POM121C: variants seen among roughly 807,000 people sequenced by gnomAD.
POM121C encodes nuclear envelope pore membrane protein POM 121C.
In POM121C, 20 loss-of-function variants were observed where a neutral mutation model predicts 66.4. The observed-to-expected ratio is 0.30, with a 90% CI of 0.21 to 0.44. The LOEUF (loss-of-function observed/expected upper bound fraction) is 0.44, where lower values mean the gene tolerates loss of function less well. Ranked by LOEUF, POM121C falls within the 20% of genes least tolerant of loss-of-function variation. POM121C has a pLI of 1.00. For synonymous variants in POM121C, 286 were observed against 528.0 expected, an observed-to-expected ratio of 0.54 and a Z score of 6.28; for missense variants, 580 against 1,225.7, an observed-to-expected ratio of 0.47 and a Z score of 7.87.
intron 3 of POM121C, among the ~76,000 whole-genome samples, chr7:75,471,829 T>C (rs189703157): frequency 2.6e-5 from 4 of 152,306 alleles, no homozygotes; most frequent in African/African-American, 7.2e-5. Context: ...TGCTCAACAA[T>C]GCAAATACAG....
At chr7:75,454,339 G>C (rs1791131659) in intron 3 of POM121C, among the ~76,000 whole-genome samples, 1 of 152,392 alleles carries the variant, frequency 6.6e-6, no homozygotes, top group South Asian at 2.1e-4. Context: ...AAAGGAGACT[G>C]AGGAAGAGTC....
rs1554470637 is a variant in POM121C, at chr7:75,421,560, G to C, written c.2692C>G (p.Pro898Ala). 45 of 1,612,470 alleles carry C rather than the reference G, an allele frequency of 2.8e-5. 1 individual carries two copies. Among genetic ancestry groups the C allele is most frequent in the Non-Finnish European group, 3.6e-5 (43 of 1,179,778 alleles). The change falls in exon 13 of 15, where the codon CCG becomes GCG. Residue 898 changes from proline (P) to alanine (A), a missense_variant. Pro to Ala is a conservative substitution (Grantham distance 27). Coordinates refer to ENST00000615331, the MANE Select transcript of POM121C (RefSeq NM_001099415.3). ...GTGCTGCCCACGTTGAAGGCAAACG[G>C]TGTGCTCTGGCCGGTGGTGCCCAGG... is the stretch of plus-strand genomic sequence containing the variant. ...NALGTTGQST[P>A]FAFNVGSTTE... is the part of the protein sequence containing the mutation.
intron 3 of POM121C, among the ~76,000 whole-genome samples, chr7:75,464,017 TTTTC>T (rs1160123324): frequency 6.9e-6 from 1 of 145,144 alleles, no homozygotes; most frequent in African/African-American, 2.6e-5. Flanking sequence ...TAATTTTACT[TTTTC>T]TTTTTTTGGG....
intron 3 of POM121C, among the ~76,000 whole-genome samples, chr7:75,452,180 G>A (rs1262924710): frequency 6.6e-6 from 1 of 151,532 alleles, no homozygotes; most frequent in Non-Finnish European, 1.5e-5. Flanking sequence ...CAAAAAGGCT[G>A]GGTGCAGTGG....
chr7:75,424,103 G>C lies in POM121C; in HGVS notation c.994C>G (p.Leu332Val), dbSNP rs782543959. The change falls in exon 12 of 15, where the codon CTG (leucine) becomes GTG (valine). Residue 332 changes from leucine to valine, a missense_variant. Physicochemically the swap from Leu to Val is conservative, Grantham distance 32 (BLOSUM62 1). Coordinates refer to ENST00000615331, the MANE Select transcript of POM121C (RefSeq NM_001099415.3). ...TSLLAPSTNP[L>V]LESLKKMQTP... ...TGCATCTTCTTCAAGCTCTCTAACA[G>C]TGGGTTGGTGCTTGGGGCCAGGAGG... 3 of 1,611,832 alleles carry C rather than the reference G, an allele frequency of 1.9e-6. No individual in the cohort carries two copies. Among genetic ancestry groups the C allele is most frequent in the African/African-American group, 1.3e-5 (1 of 74,834 alleles).
At chr7:75,477,448 GT>G (rs201730251) in intron 1 of POM121C, among the ~76,000 whole-genome samples, 2,124 of 152,116 alleles carry the variant, frequency 0.014, 58 homozygotes, top group African/African-American at 0.048. Flanking sequence ...AACAAAATTA[GT>G]TGTAGTATTA....
At chr7:75,432,559 A>G (rs587645980) in intron 7 of POM121C, among the ~76,000 whole-genome samples, 1 of 152,314 alleles carries the variant, frequency 6.6e-6, no homozygotes, top group South Asian at 2.1e-4. Context: ...GGGAGTGGGC[A>G]GGAGGGAGGT....
chr7:75,475,572 C>T (rs1792042866), intron 1 of POM121C, among the ~76,000 whole-genome samples: 1 of 150,948 alleles, frequency 6.6e-6, no homozygotes, highest in South Asian at 2.1e-4. Context: ...TCCGGGACCT[C>T]TTCATGTTGG....
intron 5 of POM121C, among the ~76,000 whole-genome samples, chr7:75,440,395 G>T (rs1247252556): frequency 1.3e-5 from 2 of 151,248 alleles, no homozygotes; most frequent in East Asian, 4.0e-4. Context: ...GTGAGACCCT[G>T]TCTCTACTAA....
At chr7:75,484,508 T>C (rs1359657042) in intron 1 of POM121C, among the ~76,000 whole-genome samples, 2 of 151,490 alleles carry the variant, frequency 1.3e-5, no homozygotes, top group Non-Finnish European at 2.9e-5. Context: ...TACTTAAAAA[T>C]AACAAAAAAA....
intron 3 of POM121C, among the ~76,000 whole-genome samples, chr7:75,449,428 A>G (rs1790945612): frequency 6.6e-6 from 1 of 150,706 alleles, no homozygotes; most frequent in African/African-American, 2.4e-5. Context: ...GCAGTGGCAC[A>G]ATCTCGGCTC....
chr7:75,482,820 G>A lies in POM121C; in HGVS notation c.-458+3044C>T, dbSNP rs587769336. On this transcript the variant is annotated intron_variant, in intron 1 of 14. Transcript: ENST00000615331. Reference sequence around the variant, plus strand: ...GAGAAAATATCAGTTTGGAAGTAACGGATGTCAAAGGCAGACAAAGGGTAC... The same window carrying A: ...GAGAAAATATCAGTTTGGAAGTAACAGATGTCAAAGGCAGACAAAGGGTAC... 6.6e-4 allele frequency among the ~76,000 whole-genome samples: 100 copies of A among 152,240 alleles called. 1 individual carries two copies. In the East Asian group the frequency reaches 0.015, roughly 23 times the overall value.
chr7:75,435,616 A>T (rs1790372262), intron 7 of POM121C, among the ~76,000 whole-genome samples: 1 of 152,266 alleles, frequency 6.6e-6, no homozygotes, highest in Non-Finnish European at 1.5e-5. Flanking sequence ...GACAATTAAC[A>T]TTACTTTAAA....
intron 11 of POM121C, 122 bp downstream of exon 11, chr7:75,424,404 A>T: frequency 1.4e-6 from 2 of 1,421,632 alleles, no homozygotes; most frequent in Non-Finnish European, 2.0e-6. Flanking sequence ...AAAGACCACA[A>T]GAAAACATGG....
intron 3 of POM121C, among the ~76,000 whole-genome samples, chr7:75,458,176 G>A (rs1343352875): frequency 6.6e-6 from 1 of 151,998 alleles, no homozygotes; most frequent in Non-Finnish European, 1.5e-5. Flanking sequence ...AAACAACCAG[G>A]ATCAACACAG....
At position 75,417,712 on chromosome 7, in the gene POM121C, C is replaced by G. The variant is rs1789524375; in HGVS notation, c.*1084G>C. ...AAACCGCAGAGGGAAGAGGTCTTTG[C>G]TTCCCCTGGGCCCATTCTCCCTGGC... On this transcript the variant is annotated 3_prime_UTR_variant, in exon 15 of 15. Transcript: ENST00000615331. 1 of 985,280 alleles carries G rather than the reference C, an allele frequency of 1.0e-6. No homozygotes were observed. The highest frequency in any genetic ancestry group is 1.7e-5 in the African/African-American group (1 of 57,350). 61.0% of individuals were successfully genotyped at this position (985,280 alleles called of 1,614,324 possible). A position where few individuals can be genotyped will look rare whatever the true frequency, so the allele number is the denominator to read the frequency against.
At chr7:75,451,161 A>G (rs1791007847) in intron 3 of POM121C, among the ~76,000 whole-genome samples, 1 of 152,226 alleles carries the variant, frequency 6.6e-6, no homozygotes, top group Non-Finnish European at 1.5e-5. Flanking sequence ...TCTTCACAGA[A>G]TTAGAAAAAA....
At chr7:75,419,199 C>T (rs376994266) in intron 14 of POM121C, 121 bp downstream of exon 14, 3 of 1,436,038 alleles carry the variant, frequency 2.1e-6, no homozygotes, top group Admixed American at 2.8e-5. Flanking sequence ...ACTCCTAACC[C>T]GAAATGTCTT....
At chr7:75,428,010 A>C (rs1390238465) in intron 7 of POM121C, among the ~76,000 whole-genome samples, 1 of 152,230 alleles carries the variant, frequency 6.6e-6, no homozygotes, top group Non-Finnish European at 1.5e-5. Context: ...GATTACAGGC[A>C]TATAAAAGAG....
Sources: gnomAD v4.1 joint callset for allele counts (sites outside exome capture counted in the v4.1 genomes callset) on GRCh38, gnomAD v4.1.1 for gene constraint, MANE v1.5 for transcripts, NCBI Gene and HGNC (gene_info 2026-07-23, HGNC 2026-07-21) for gene names.